SHISA9: variants seen among roughly 807,000 people sequenced by gnomAD.
SHISA9 encodes the protein protein shisa-9.
In SHISA9, 13 loss-of-function variants were observed where a neutral mutation model predicts 38.0. The observed-to-expected ratio is 0.34, with a 90% CI of 0.22 to 0.54. SHISA9 has a LOEUF of 0.54. Among genes scored for constraint, SHISA9 ranks in the 20% least tolerant of loss-of-function variants. SHISA9 has a pLI of 0.91. For missense variants in SHISA9, 538 were observed against 575.8 expected, an observed-to-expected ratio of 0.93 and a Z score of 0.67; for synonymous variants, 275 against 242.0, an observed-to-expected ratio of 1.14 and a Z score of -1.27.
the SHISA9 span, among the ~76,000 whole-genome samples, chr16:13,549,686 T>C: frequency 1.3e-5 from 2 of 152,062 alleles, no homozygotes; most frequent in African/African-American, 2.4e-5. Flanking sequence ...GAAATGACTG[T>C]AGAAGTGGGG....
At chr16:13,123,025 C>T (rs955840514) in intron 2 of SHISA9, among the ~76,000 whole-genome samples, 18 of 152,092 alleles carry the variant, frequency 1.2e-4, no homozygotes, top group South Asian at 2.1e-4. Context: ...CCAGCCTGGG[C>T]GACAGAGCAA....
In SHISA9 at chr16:12,974,936, T is replaced by C. The variant is rs535427339; in HGVS notation, c.691+58121T>C. ...TGTATCTATATCTATCTCTCTATAT[T>C]TATATAAACTTTCAGGGTTGCTATG... On this transcript the variant is annotated intron_variant, in intron 2 of 4. Coordinates refer to ENST00000558583, the MANE Select transcript of SHISA9 (RefSeq NM_001145204.3). Among the ~76,000 whole-genome samples, 13 of 152,248 alleles carry C rather than the reference T, an allele frequency of 8.5e-5. No homozygotes were observed. The South Asian group carries it at 2.7e-3, about 32-fold the overall frequency.
chr16:13,410,446 T>C, the SHISA9 span, among the ~76,000 whole-genome samples: 1 of 152,170 alleles, frequency 6.6e-6, no homozygotes, highest in South Asian at 2.1e-4. Flanking sequence ...CATGTATTTA[T>C]TTCAGCAGCT....
the SHISA9 span, among the ~76,000 whole-genome samples, chr16:13,357,255 G>A: frequency 6.6e-6 from 1 of 152,142 alleles, no homozygotes; most frequent in African/African-American, 2.4e-5. Context: ...CGTGACCGGC[G>A]CCGGAGTTTT....
chr16:13,010,803 T>C (rs1322305337), intron 2 of SHISA9, among the ~76,000 whole-genome samples: 1 of 151,968 alleles, frequency 6.6e-6, no homozygotes, highest in Non-Finnish European at 1.5e-5. Flanking sequence ...AATACAAAAA[T>C]CAGCCGGGCA....
Position 13,014,267 on chromosome 16 carries a change from A to G in SHISA9, c.691+97452A>G, listed in dbSNP as rs2072714615. ...CCAGAGCCATCCTCCCAGGTAAAGC[A>G]TTTACGTGGGATTCTCAGCTTCAGG... On this transcript the variant is annotated intron_variant, in intron 2 of 4. Coordinates refer to ENST00000558583, the MANE Select transcript of SHISA9 (RefSeq NM_001145204.3). Among the ~76,000 whole-genome samples the G allele has an allele frequency of 2.6e-5, 4 of 152,178 alleles. No individual in the cohort carries two copies. The South Asian group carries it at 8.3e-4, about 31-fold the overall frequency.
At chr16:13,234,989 C>T in intron 4 of SHISA9, 41 bp from the exon 5 acceptor site, 2 of 1,459,730 alleles carry the variant, frequency 1.4e-6, no homozygotes, top group East Asian at 2.5e-5. Context: ...TCTCTCTCTT[C>T]TCTTTCTTCC....
At chr16:13,172,466 A>G (rs2050694913) in intron 2 of SHISA9, among the ~76,000 whole-genome samples, 1 of 152,208 alleles carries the variant, frequency 6.6e-6, no homozygotes. Context: ...GCATATAATC[A>G]ACGTGTGCAT....
chr16:13,252,801 G>T, the SHISA9 span, among the ~76,000 whole-genome samples: 1 of 152,138 alleles, frequency 6.6e-6, no homozygotes, highest in South Asian at 2.1e-4. Flanking sequence ...ACCTACCACG[G>T]TACCTGGAAC....
At chr16:13,451,357 C>A in the SHISA9 span, among the ~76,000 whole-genome samples, 1 of 152,232 alleles carries the variant, frequency 6.6e-6, no homozygotes, top group East Asian at 1.9e-4. Flanking sequence ...AGAAACCAAG[C>A]ACAGATAAGC....
At chr16:13,019,769 TTTCTTTC>T (rs1466955362) in intron 2 of SHISA9, among the ~76,000 whole-genome samples, 16 of 30,044 alleles carry the variant, frequency 5.3e-4, no homozygotes, top group African/African-American at 2.4e-3. Flanking sequence ...CTTTCTTTTC[TTTCTTTC>T]TTTCTTTCTT....
chr16:13,086,725 G>T (rs370622395), intron 2 of SHISA9, among the ~76,000 whole-genome samples: 8 of 152,300 alleles, frequency 5.3e-5, no homozygotes, highest in African/African-American at 1.9e-4. Flanking sequence ...GCCTTCTGAG[G>T]AAAACAACCA....
At chr16:13,519,436 A>C in the SHISA9 span, among the ~76,000 whole-genome samples, 2 of 152,224 alleles carry the variant, frequency 1.3e-5, no homozygotes, top group Non-Finnish European at 2.9e-5. Context: ...CTGGTGCTTC[A>C]AGAAGTATTT....
chr16:13,376,301 A>G, the SHISA9 span, among the ~76,000 whole-genome samples: 2 of 152,216 alleles, frequency 1.3e-5, no homozygotes, highest in African/African-American at 4.8e-5. Context: ...GATATTTTAG[A>G]TAGAGTCATG....
chr16:13,227,092 G>T (rs1395386210), intron 4 of SHISA9, among the ~76,000 whole-genome samples: 1 of 152,194 alleles, frequency 6.6e-6, no homozygotes, highest in Non-Finnish European at 1.5e-5. Context: ...GAGGCAGGAT[G>T]AATGCCTGCC....
At chr16:13,524,818 T>C in the SHISA9 span, among the ~76,000 whole-genome samples, 1,162 of 152,214 alleles carry the variant, frequency 7.6e-3, 17 homozygotes, top group African/African-American at 0.027. Flanking sequence ...TCTCCTACCT[T>C]GGCCTCCCAA....
the SHISA9 span, among the ~76,000 whole-genome samples, chr16:13,352,152 T>G: frequency 0.79 from 119,611 of 152,068 alleles, 47,239 homozygotes; most frequent in East Asian, 0.96. Flanking sequence ...CCAAGCTCAG[T>G]AGCAATGCCA....
At chr16:13,450,114 G>T in the SHISA9 span, among the ~76,000 whole-genome samples, 2 of 151,964 alleles carry the variant, frequency 1.3e-5, no homozygotes, top group Non-Finnish European at 1.5e-5. Flanking sequence ...GAGACTCTGT[G>T]TAAAAAAAAA....
the SHISA9 span, among the ~76,000 whole-genome samples, chr16:13,320,604 G>A: frequency 6.6e-6 from 1 of 152,190 alleles, no homozygotes; most frequent in African/African-American, 2.4e-5. Context: ...TGTAGAGATA[G>A]TAGGGTCTCC....
Sources: gnomAD v4.1 joint callset for allele counts (sites outside exome capture counted in the v4.1 genomes callset) on GRCh38, gnomAD v4.1.1 for gene constraint, MANE v1.5 for transcripts, NCBI Gene and HGNC (gene_info 2026-07-23, HGNC 2026-07-21) for gene names.